The following HEG1 variants were observed in gnomAD, a reference collection of about 807,000 sequenced individuals.
HEG1 encodes the protein heart development protein with EGF like domains 1, also known as protein HEG homolog 1.
HEG1 carries 56 observed loss-of-function variants against 125.6 expected under a neutral mutation model. The observed-to-expected ratio is 0.45, with a 90% CI of 0.36 to 0.56. The LOEUF is 0.56. Among genes scored for constraint, HEG1 ranks in the 20% least tolerant of loss-of-function variants. The pLI, the probability that HEG1 is intolerant of heterozygous loss-of-function variation, is 0.00. For missense variants in HEG1, 1,523 were observed against 1,670.0 expected, an observed-to-expected ratio of 0.91 and a Z score of 1.53; for synonymous variants, 644 against 668.5, an observed-to-expected ratio of 0.96 and a Z score of 0.57.
intron 9 of HEG1, among the ~76,000 whole-genome samples, chr3:125,003,279 C>T (rs1937027252): frequency 6.6e-6 from 1 of 152,128 alleles, no homozygotes. Context: ...TACATTGATA[C>T]TGGGCAAAAA....
Position 124,970,736 on chromosome 3 carries a change from T to C in HEG1, c.4062A>G (p.Pro1354=). ...NGLYPAYTGL[P]GSRHSCIFPG... is the part of the protein sequence containing the mutation. ...GGAAAATGCAAGAATGCCGTGATCCTGGCAGTCCAGTGTAGGCCGGGTAGA... is the reference window on the plus strand; with the variant it reads ...GGAAAATGCAAGAATGCCGTGATCCCGGCAGTCCAGTGTAGGCCGGGTAGA... Residue 1354 remains proline (P), a synonymous_variant, in exon 17 of 17, where the codon CCA becomes CCG. Coordinates refer to ENST00000311127, the MANE Select transcript of HEG1 (RefSeq NM_020733.2). 6.2e-7 allele frequency: 1 copy of C among 1,610,314 alleles called. No individual in the cohort carries two copies. The highest frequency in any genetic ancestry group is 8.5e-7 in the Non-Finnish European group (1 of 1,178,236).
rs529662864 is a variant in HEG1, at chr3:124,976,297, C to T, written c.3821+1562G>A. Among the ~76,000 whole-genome samples the T allele has an allele frequency of 6.6e-5, 10 of 152,304 alleles. No individual in the cohort carries two copies. The South Asian group carries it at 1.7e-3, about 25-fold the overall frequency. On this transcript the variant is annotated intron_variant, in intron 15 of 16. Transcript: ENST00000311127. ...TGCCTCCCAGGTTCAAGCAATTCTC[C>T]TGCCTCAGCCTCCCGAGTAGCTGGG...
intron 2 of HEG1, among the ~76,000 whole-genome samples, chr3:125,028,068 T>C (rs561706569): frequency 9.4e-4 from 142 of 151,560 alleles, no homozygotes; most frequent in African/African-American, 3.3e-3. Context: ...ACAGGTCCTA[T>C]CACTTTTCCT....
rs367578209 is a variant in HEG1 at position 125,017,945 on chromosome 3, C to T, written c.1588+1317G>A. Among the ~76,000 whole-genome samples, 13 of 151,794 alleles carry T rather than the reference C, an allele frequency of 8.6e-5. No homozygotes were observed. The East Asian group carries it at 1.9e-3, about 23-fold the overall frequency. On this transcript the variant is annotated intron_variant, in intron 5 of 16. Transcript: ENST00000311127. ...TCGGGAGGCTGAGGCAGGAGAATGG[C>T]GTGAACCCGGAAGTCGGAGATTGCA... is the stretch of plus-strand genomic sequence containing the variant.
In HEG1 at chr3:124,999,052, AG is replaced by A. The variant is rs1936963739; in HGVS notation, c.3518-1230del. ...TAATGCTGCAAAACTGCCCCTGCCC[AG>A]GCAGGTTTTGGTGACATGAGCTGCC... On this transcript the variant is annotated intron_variant, in intron 11 of 16. Coordinates refer to ENST00000311127, the MANE Select transcript of HEG1 (RefSeq NM_020733.2). Among the ~76,000 whole-genome samples the A allele has an allele frequency of 2.6e-5, 4 of 152,310 alleles. No individual in the cohort carries two copies. In the South Asian group the frequency reaches 8.3e-4, roughly 32 times the overall value.
intron 14 of HEG1, among the ~76,000 whole-genome samples, chr3:124,982,194 C>A (rs1277718963): frequency 6.6e-6 from 1 of 152,202 alleles, no homozygotes; most frequent in Non-Finnish European, 1.5e-5. Flanking sequence ...GCCACTACGC[C>A]CAGTCATATA....
intron 5 of HEG1, chr3:125,014,868 G>A (rs1560026182): frequency 1.6e-6 from 2 of 1,289,772 alleles, no homozygotes; most frequent in Non-Finnish European, 2.0e-6. Context: ...GTTGGTGAGG[G>A]TGACAGACCG....
At chr3:124,982,277 ATCT>A (rs1344790898) in intron 14 of HEG1, among the ~76,000 whole-genome samples, 2 of 152,196 alleles carry the variant, frequency 1.3e-5, no homozygotes, top group African/African-American at 4.8e-5. Flanking sequence ...TCCCCCAGAG[ATCT>A]TCTTAAAATC....
intron 14 of HEG1, among the ~76,000 whole-genome samples, chr3:124,990,471 TAGGATTAC>T (rs768975509): frequency 6.6e-6 from 1 of 152,088 alleles, no homozygotes; most frequent in Non-Finnish European, 1.5e-5. Flanking sequence ...CCCAAGTAGC[TAGGATTAC>T]AGGCATGTGC....
intron 5 of HEG1, among the ~76,000 whole-genome samples, chr3:125,017,342 A>G: frequency 6.6e-6 from 1 of 152,270 alleles, no homozygotes; most frequent in Admixed American, 6.5e-5. Context: ...GGCGTAAGCC[A>G]CCACAGCCGG....
At chr3:125,021,973 T>C (rs776236183) in intron 3 of HEG1, among the ~76,000 whole-genome samples, 1 of 152,092 alleles carries the variant, frequency 6.6e-6, no homozygotes, top group East Asian at 1.9e-4. Context: ...ATGGCTGCCA[T>C]GGGGAAACTG....
At chr3:125,009,618 T>A in intron 8 of HEG1, 87 bp downstream of exon 8, 1 of 1,360,854 alleles carries the variant, frequency 7.3e-7, no homozygotes, top group Non-Finnish European at 1.0e-6. Flanking sequence ...CAAATACTGA[T>A]TTTGGTTAGC....
chr3:124,977,997 T>C (rs1305073636), intron 14 of HEG1, 51 bp from the exon 15 acceptor site: 17 of 1,362,242 alleles, frequency 1.2e-5, no homozygotes, highest in Middle Eastern at 2.2e-4. Context: ...AATGAAGGAA[T>C]GAGTGAGTTC....
intron 11 of HEG1, among the ~76,000 whole-genome samples, chr3:124,999,875 C>T (rs1453462751): frequency 7.2e-5 from 11 of 152,184 alleles, no homozygotes; most frequent in Admixed American, 7.2e-4. Context: ...AAAGACTAAA[C>T]CTCTGGAGAT....
rs897799766 is a variant in HEG1 at position 125,037,242 on chromosome 3, C to T, written c.317-7754G>A. Among the ~76,000 whole-genome samples, 10 of 152,128 alleles carry T rather than the reference C, an allele frequency of 6.6e-5. No homozygotes were observed. In the South Asian group the frequency reaches 1.9e-3, roughly 28 times the overall value. ...AAAATATATCTATGACAAATTGTCT[C>T]CTAAGAAAAAGAACAAAAATGGTTG... is the stretch of plus-strand genomic sequence containing the variant. On this transcript the variant is annotated intron_variant, in intron 1 of 16. Coordinates refer to ENST00000311127, the MANE Select transcript of HEG1 (RefSeq NM_020733.2).
chr3:125,014,725 T>C (rs1391519072), intron 5 of HEG1: 1 of 1,274,524 alleles, frequency 7.8e-7, no homozygotes, highest in African/African-American at 1.5e-5. Context: ...CCGAGTGCAC[T>C]GGAGGCGGCC....
chr3:124,973,941 C>T lies in HEG1; in HGVS notation c.3822-36G>A, dbSNP rs2270779. ...CAAAAATATTTGTAAAGCTCAATTC[C>T]GTAAAGAAGTGATACTGTGAAAGCA... On this transcript the variant is annotated intron_variant, in intron 15 of 16. Transcript: ENST00000311127. The T allele has an allele frequency of 0.61, 876,450 of 1,446,224 alleles. 268,759 individuals carry two copies. The highest frequency in any genetic ancestry group is 0.84 in the African/African-American group (59,336 of 70,840). 89.6% of individuals were successfully genotyped at this position (1,446,224 alleles called of 1,614,324 possible).
intron 14 of HEG1, among the ~76,000 whole-genome samples, chr3:124,986,853 A>G (rs1936747409): frequency 6.6e-6 from 1 of 152,230 alleles, no homozygotes; most frequent in African/African-American, 2.4e-5. Context: ...AACTTACAGA[A>G]TAGTCAATGA....
intron 15 of HEG1, among the ~76,000 whole-genome samples, chr3:124,976,600 G>A (rs552914511): frequency 1.3e-5 from 2 of 151,236 alleles, no homozygotes; most frequent in East Asian, 1.9e-4. Context: ...CCATCTTTTC[G>A]TGTGTGCCAC....
Sources: allele counts gnomAD v4.1 joint callset (sites outside exome capture counted in the v4.1 genomes callset), GRCh38; gene constraint gnomAD v4.1.1; transcripts MANE v1.5; gene names NCBI Gene and HGNC (gene_info 2026-07-23, HGNC 2026-07-21).